AGFG2: variants seen among roughly 807,000 people sequenced by gnomAD.
The protein encoded by AGFG2 is ArfGAP with FG repeats 2, also known as arf-GAP domain and FG repeat-containing protein 2.
AGFG2 carries 31 observed loss-of-function variants against 48.0 expected under a neutral mutation model. The observed-to-expected ratio is 0.65, with a 90% CI of 0.49 to 0.87. The LOEUF is 0.87. Among genes scored for constraint, AGFG2 ranks in the 40% least tolerant of loss-of-function variants. AGFG2 has a pLI of 0.00. For synonymous variants in AGFG2, 229 were observed against 260.8 expected (o/e 0.88, Z 1.18); for missense variants, 599 against 632.6 (o/e 0.95, Z 0.57).
At position 100,567,396 on chromosome 7, in the gene AGFG2, T is replaced by G. The variant is rs566815465; in HGVS notation, c.*2405T>G. ...CGGGGCTAGAGTGACTCACCTGGGCTCACACCAACTTCTGGCCAATGCAGG... is the reference window on the plus strand; with the variant it reads ...CGGGGCTAGAGTGACTCACCTGGGCGCACACCAACTTCTGGCCAATGCAGG... On this transcript the variant is annotated 3_prime_UTR_variant, in exon 12 of 12. Transcript: ENST00000300176. 1 of 152,860 alleles carries G rather than the reference T, an allele frequency of 6.5e-6. No individual in the cohort carries two copies. Among genetic ancestry groups the G allele is most frequent in the African/African-American group, 2.4e-5 (1 of 41,474 alleles). 9.5% of individuals were successfully genotyped at this position (152,860 alleles called of 1,614,324 possible).
chr7:100,541,138 G>C (rs1014037961), intron 1 of AGFG2, among the ~76,000 whole-genome samples: 5 of 152,014 alleles, frequency 3.3e-5, no homozygotes, highest in African/African-American at 7.2e-5. Context: ...CTTATCCAGT[G>C]CCATATGGGC....
rs528602204 is a variant in AGFG2, at chr7:100,565,337, C to T, written c.*346C>T. The T allele has an allele frequency of 4.3e-5, 14 of 324,650 alleles. No homozygotes were observed. The highest frequency in any genetic ancestry group is 1.1e-4 in the South Asian group (3 of 27,870). 20.1% of individuals were successfully genotyped at this position (324,650 alleles called of 1,614,324 possible). A position where few individuals can be genotyped will look rare whatever the true frequency, so the allele number is the denominator to read the frequency against. On this transcript the variant is annotated 3_prime_UTR_variant, in exon 12 of 12. Transcript: ENST00000300176. ...TCGCCAGCGCTGTGCTCCTCATGGA[C>T]GGGAGCGCAGTGGGGAAGGTAGGGG...
At position 100,554,937 on chromosome 7, in the gene AGFG2, C is replaced by CAA. The variant is rs749887106; in HGVS notation, c.752-649_752-648dup. ...TAGGTGACAGAGTGAGACTCCGTCT[C>CAA]AAAAAAAAAAAAAAAAAAAAAAAAA... On this transcript the variant is annotated intron_variant, in intron 5 of 11. Coordinates refer to ENST00000300176, the MANE Select transcript of AGFG2 (RefSeq NM_006076.5). Among the ~76,000 whole-genome samples the CAA allele has an allele frequency of 1.0e-2, 561 of 56,278 alleles. 9 individuals carry two copies. The highest frequency in any genetic ancestry group is 0.012 in the Non-Finnish European group (327 of 27,018). 36.9% of individuals were successfully genotyped at this position (56,278 alleles called of 152,430 possible).
chr7:100,553,303 A>G, intron 3 of AGFG2, 44 bp from the exon 4 acceptor site: 2 of 1,611,366 alleles, frequency 1.2e-6, no homozygotes, highest in Non-Finnish European at 1.7e-6. Context: ...GCGTGGTCCA[A>G]AGTTTTATCC....
chr7:100,546,866 C>T (rs975302391), intron 1 of AGFG2, among the ~76,000 whole-genome samples: 8 of 152,162 alleles, frequency 5.3e-5, no homozygotes, highest in African/African-American at 9.7e-5. Flanking sequence ...AGACAGTCTT[C>T]GGGGCAGACC....
chr7:100,548,983 T>C (rs1800569857), intron 2 of AGFG2, 68 bp downstream of exon 2: 1 of 1,298,772 alleles, frequency 7.7e-7, no homozygotes, highest in Non-Finnish European at 1.1e-6. Flanking sequence ...CTCAAGATTG[T>C]AGGGAAACCT....
intron 5 of AGFG2, 38 bp downstream of exon 5, chr7:100,554,296 A>G (rs1800713512): frequency 6.3e-7 from 1 of 1,577,910 alleles, no homozygotes; most frequent in African/African-American, 1.4e-5. Context: ...CCTACAGCGT[A>G]TATGCTTACA....
intron 1 of AGFG2, among the ~76,000 whole-genome samples, chr7:100,542,971 C>T (rs1287944679): frequency 6.6e-6 from 1 of 152,142 alleles, no homozygotes; most frequent in Non-Finnish European, 1.5e-5. Flanking sequence ...ATAAAGAAAT[C>T]GTTCTGTATT....
intron 3 of AGFG2, among the ~76,000 whole-genome samples, chr7:100,552,872 A>G (rs908470471): frequency 2.6e-5 from 4 of 152,330 alleles, no homozygotes; most frequent in African/African-American, 9.6e-5. Context: ...GACCTTTGCC[A>G]GGTGTGGTGG....
At chr7:100,554,006 C>A in intron 4 of AGFG2, 87 bp from the exon 5 acceptor site, 1 of 1,489,602 alleles carries the variant, frequency 6.7e-7, no homozygotes, top group Non-Finnish European at 9.0e-7. Context: ...TCTCTACCTG[C>A]CTATCTGAGG....
Position 100,553,403 on chromosome 7 carries a change from C to T in AGFG2, c.488C>T (p.Thr163Ile), listed in dbSNP as rs1350669167. 6.2e-7 allele frequency: 1 copy of T among 1,614,232 alleles called. No individual in the cohort carries two copies. Among genetic ancestry groups the T allele is most frequent in the Non-Finnish European group, 8.5e-7 (1 of 1,180,040 alleles). The change falls in exon 4 of 12, where the codon ACC (threonine) becomes ATC (isoleucine). Residue 163 changes from threonine to isoleucine, a missense_variant. Thr to Ile is a moderately conservative substitution (Grantham distance 89). Coordinates refer to ENST00000300176, the MANE Select transcript of AGFG2 (RefSeq NM_006076.5). Reference protein sequence around the residue: ...GPTYTKGSASTPVQGSIPEGK... With the variant: ...GPTYTKGSASIPVQGSIPEGK... The stretch of plus-strand genomic sequence containing the variant: ...ACTTATACCAAAGGCAGTGCCTCCA[C>T]CCCTGTGCAGGGCTCCATCCCAGAA...
intron 1 of AGFG2, among the ~76,000 whole-genome samples, chr7:100,540,491 G>A (rs1584377649): frequency 1.3e-5 from 2 of 152,098 alleles, no homozygotes; most frequent in Admixed American, 1.3e-4. Flanking sequence ...ATGCCAGAGT[G>A]AATTTACAGC....
In AGFG2 at chr7:100,548,833, AC is replaced by A. The variant is rs1395902870; in HGVS notation, c.239del (p.Pro80LeufsTer9). 2 of 1,612,134 alleles carry A rather than the reference AC, an allele frequency of 1.2e-6. No individual in the cohort carries two copies. The highest frequency in any genetic ancestry group is 2.7e-5 in the African/African-American group (2 of 74,526). ...TTCSGLLRGLNPPHRVKSISM... is the reference protein window; with the variant it reads ...TTCSGLLRGLXPPHRVKSISM... ...TTTCTCTCCCATAGGAGAGGGCTGA[AC>A]CCCCCTCATCGTGTCAAGTCAATCT... is the stretch of plus-strand genomic sequence containing the variant. On this transcript the variant is annotated frameshift_variant, in exon 2 of 12. Transcript: ENST00000300176. LOFTEE classifies it high-confidence loss of function.
chr7:100,564,918 T>G lies in AGFG2; in HGVS notation c.1387-14T>G. 1 of 1,613,786 alleles carries G rather than the reference T, an allele frequency of 6.2e-7. No homozygotes were observed. Among genetic ancestry groups the G allele is most frequent in the South Asian group, 1.1e-5 (1 of 91,076 alleles). ...TCTCCCCTAACTGGAAAATGTATTG[T>G]TCTTTCTTTCCAGACTGGACCCTCA... On this transcript the variant is annotated splice_polypyrimidine_tract_variant and intron_variant, in intron 11 of 11. Transcript: ENST00000300176.
intron 2 of AGFG2, 127 bp from the exon 3 acceptor site, chr7:100,550,269 T>C (rs1344569041): frequency 1.6e-6 from 1 of 617,046 alleles, no homozygotes; most frequent in South Asian, 1.9e-5. Flanking sequence ...ATCGTGCCAC[T>C]GCACTCCAGC....
intron 1 of AGFG2, among the ~76,000 whole-genome samples, chr7:100,541,123 C>T (rs553069460): frequency 4.0e-5 from 6 of 151,846 alleles, no homozygotes; most frequent in East Asian, 1.9e-4. Flanking sequence ...AGAGAGGTTT[C>T]GTAACTTATC....
chr7:100,548,906 T>C lies in AGFG2; in HGVS notation c.306T>C (p.Arg102=). The C allele has an allele frequency of 2.5e-6, 4 of 1,613,262 alleles. No individual in the cohort carries two copies. Among genetic ancestry groups the C allele is most frequent in the Non-Finnish European group, 3.4e-6 (4 of 1,179,438 alleles). ...CTGAAGTAGTATTCCTGCAATCCCG[T>C]GGAAATGAGGTGAGCTGCCACCGAT... The part of the protein sequence containing the change: ...TEPEVVFLQS[R]GNEVCRKIWL... Residue 102 remains arginine (R), a synonymous_variant, in exon 2 of 12, where the codon CGT becomes CGC. Transcript: ENST00000300176.
chr7:100,563,742 C>T lies in AGFG2; in HGVS notation c.1172-92C>T. 5.1e-6 allele frequency: 8 copies of T among 1,555,746 alleles called. No individual in the cohort carries two copies. In the South Asian group the frequency reaches 5.6e-5, roughly 11 times the overall value. The stretch of plus-strand genomic sequence containing the variant: ...TCCTCATGTCAGGAAAAAACTATAT[C>T]CCATTTTCCCATCTTGGAGGGACTT... On this transcript the variant is annotated intron_variant, in intron 9 of 11. Transcript: ENST00000300176.
chr7:100,547,618 ACACTCC>A (rs1403102334), intron 1 of AGFG2, among the ~76,000 whole-genome samples: 2 of 152,130 alleles, frequency 1.3e-5, no homozygotes, highest in East Asian at 3.9e-4. Flanking sequence ...CTGTATTAGA[ACACTCC>A]TGAGACCAGT....
Sources: allele counts gnomAD v4.1 joint callset (sites outside exome capture counted in the v4.1 genomes callset), GRCh38; gene constraint gnomAD v4.1.1; transcripts MANE v1.5; gene names NCBI Gene and HGNC (gene_info 2026-07-23, HGNC 2026-07-21).